The following HAUS5 variants were observed in gnomAD, a reference collection of about 807,000 sequenced individuals.
HAUS5 encodes the protein HAUS augmin-like complex subunit 5.
In HAUS5, 67 loss-of-function variants were observed where a neutral mutation model predicts 94.1. The observed-to-expected ratio is 0.71, with a 90% confidence interval of 0.58 to 0.87. The LOEUF (loss-of-function observed/expected upper bound fraction) is 0.87, where lower values mean the gene tolerates loss of function less well. Ranked by LOEUF, HAUS5 falls within the 40% of genes least tolerant of loss-of-function variation. HAUS5 has a pLI of 0.00. For missense variants in HAUS5, 739 were observed against 825.6 expected (o/e 0.90, Z 1.29); for synonymous variants, 339 against 355.4 (o/e 0.95, Z 0.52).
At position 35,619,519 on chromosome 19, in the gene HAUS5, G is replaced by A; in HGVS notation, c.1260+15G>A. 6.2e-7 allele frequency: 1 copy of A among 1,609,044 alleles called. No homozygotes were observed. Among genetic ancestry groups the A allele is most frequent in the Non-Finnish European group, 8.5e-7 (1 of 1,177,304 alleles). The stretch of plus-strand genomic sequence containing the variant: ...GCCCGGGGGAGGTGAGATGGGAGTT[G>A]GGGTGAGGTCTGGGTAGGGCTGGAT... On this transcript the variant is annotated intron_variant, in intron 14 of 18. Coordinates refer to ENST00000203166, the MANE Select transcript of HAUS5 (RefSeq NM_015302.2).
chr19:35,622,742 G>T lies in HAUS5; in HGVS notation c.1784+9G>T. 1 of 1,613,920 alleles carries T rather than the reference G, an allele frequency of 6.2e-7. No individual in the cohort carries two copies. Among genetic ancestry groups the T allele is most frequent in the African/African-American group, 1.3e-5 (1 of 75,044 alleles). The stretch of plus-strand genomic sequence containing the variant: ...GGGATCGTGGGGGACTGGTGAGAGG[G>T]GAACGTGCCGCGGATGGGAAACAGA... On this transcript the variant is annotated intron_variant, in intron 18 of 18. Coordinates refer to ENST00000203166, the MANE Select transcript of HAUS5 (RefSeq NM_015302.2).
In HAUS5 at chr19:35,615,243, G is replaced by A. The variant is rs1276408784; in HGVS notation, c.342G>A (p.Gln114=). The change falls in exon 6 of 19, where the codon CAG becomes CAA. Residue 114 remains glutamine, a synonymous_variant. Transcript: ENST00000203166. The stretch of plus-strand genomic sequence containing the variant: ...CTCCCACAGACACGGCCATGGAGCA[G>A]GCACGTCAGCACACTCAAGACACCC... ...DTEAQDTAME[Q]ARQHTQDTQR... 1 of 1,613,950 alleles carries A rather than the reference G, an allele frequency of 6.2e-7. No individual in the cohort carries two copies. Among genetic ancestry groups the A allele is most frequent in the East Asian group, 2.2e-5 (1 of 44,888 alleles).
chr19:35,613,593 CAAA>C, intron 1 of HAUS5, 134 bp from the exon 2 acceptor site: 1 of 578,370 alleles, frequency 1.7e-6, no homozygotes, highest in East Asian at 3.1e-5. Context: ...AAAAAAAAGG[CAAA>C]AAAAAGTTTG....
Position 35,623,055 on chromosome 19 carries a change from C to A in HAUS5, c.*62C>A, listed in dbSNP as rs1028612943. ...GTTCACCCCAACACCTCACCTCCCC[C>A]AGGACATTTGGAAGAAAGCAGCGCC... On this transcript the variant is annotated 3_prime_UTR_variant, in exon 19 of 19. Transcript: ENST00000203166. 1.8e-6 allele frequency: 2 copies of A among 1,117,476 alleles called. No homozygotes were observed. Among genetic ancestry groups the A allele is most frequent in the Non-Finnish European group, 2.6e-6 (2 of 756,356 alleles). The allele number at this position is 1,117,476 out of a possible 1,614,324, so 69.2% of individuals were successfully genotyped here. A position where few individuals can be genotyped will look rare whatever the true frequency, so the allele number is the denominator to read the frequency against.
intron 4 of HAUS5, chr19:35,614,346 G>A (rs1027059200): frequency 2.6e-5 from 12 of 462,176 alleles, no homozygotes; most frequent in African/African-American, 2.0e-4. Flanking sequence ...GGACAAAGAT[G>A]TGGTTTGGGA....
chr19:35,622,483 T>A (rs1355712371), intron 17 of HAUS5, 118 bp from the exon 18 acceptor site: 10 of 997,342 alleles, frequency 1.0e-5, no homozygotes, highest in African/African-American at 3.3e-5. Context: ...AGACTCATCA[T>A]TGGTTTGCGG....
At chr19:35,619,101 A>G in intron 13 of HAUS5, 52 bp downstream of exon 13, 2 of 1,492,878 alleles carry the variant, frequency 1.3e-6, no homozygotes. Flanking sequence ...AGGCTTGAAA[A>G]CTATGGCTAA....
At chr19:35,619,107 G>C in intron 13 of HAUS5, 58 bp downstream of exon 13, 4 of 1,477,648 alleles carry the variant, frequency 2.7e-6, no homozygotes, top group Non-Finnish European at 3.6e-6. Flanking sequence ...GAAAACTATG[G>C]CTAAGAACTG....
rs775196630 is a variant in HAUS5, at chr19:35,622,969, G to C, written c.1878G>C (p.Gly626=). ...QWRLRWVQAQ[G]ALQKLCS ...GGCTGCGCTGGGTTCAGGCCCAGGG[G>C]GCCCTGCAGAAGCTGTGCAGCTGAA... is the stretch of plus-strand genomic sequence containing the variant. The change falls in exon 19 of 19, where the codon GGG becomes GGC. Residue 626 remains glycine, a synonymous_variant. Coordinates refer to ENST00000203166, the MANE Select transcript of HAUS5 (RefSeq NM_015302.2). The C allele has an allele frequency of 6.2e-7, 1 of 1,612,042 alleles. No homozygotes were observed. Among genetic ancestry groups the C allele is most frequent in the Non-Finnish European group, 8.5e-7 (1 of 1,178,880 alleles).
chr19:35,619,729 G>T lies in HAUS5; in HGVS notation c.1377G>T (p.Leu459Phe). The change falls in exon 15 of 19, where the codon TTG becomes TTT. Residue 459 changes from leucine to phenylalanine, a missense_variant. Coordinates refer to ENST00000203166, the MANE Select transcript of HAUS5 (RefSeq NM_015302.2). Reference sequence around the variant, plus strand: ...TCCGGCATTTGCCCCACATTCTGTTGGGCACGCTGCTGCGGCACAGGCCGG... The same window carrying T: ...TCCGGCATTTGCCCCACATTCTGTTTGGCACGCTGCTGCGGCACAGGCCGG... ...EEVRHLPHIL[L>F]GTLLRHRPGE... 6.4e-7 allele frequency: 1 copy of T among 1,564,288 alleles called. No individual in the cohort carries two copies.
At chr19:35,615,186 G>C in intron 5 of HAUS5, 39 bp downstream of exon 5, 1 of 1,612,032 alleles carries the variant, frequency 6.2e-7, no homozygotes, top group Non-Finnish European at 8.5e-7. Flanking sequence ...CAGAATGTGG[G>C]GCGGGAAAGG....
In HAUS5 at chr19:35,618,666, A is replaced by G; in HGVS notation, c.983A>G (p.Glu328Gly). ...LTQRLQGLVE[E>G]VERRVLGSSE... ...CAGCGCCTCCAGGGCCTGGTGGAGG[A>G]GGTGGAGAGACGCGTCCTGGGATCC... The change falls in exon 12 of 19, where the codon GAG (glutamate) becomes GGG (glycine). Residue 328 changes from glutamate to glycine, a missense_variant. Glu to Gly is a moderately conservative substitution (Grantham distance 98). Coordinates refer to ENST00000203166, the MANE Select transcript of HAUS5 (RefSeq NM_015302.2). 6.2e-7 allele frequency: 1 copy of G among 1,604,256 alleles called. No individual in the cohort carries two copies. The highest frequency in any genetic ancestry group is 8.5e-7 in the Non-Finnish European group (1 of 1,173,022).
chr19:35,619,528 T>C (rs1268442768), intron 14 of HAUS5, 24 bp downstream of exon 14: 15 of 1,608,576 alleles, frequency 9.3e-6, no homozygotes, highest in Non-Finnish European at 1.3e-5. Context: ...TGGGGTGAGG[T>C]CTGGGTAGGG....
intron 14 of HAUS5, 29 bp from the exon 15 acceptor site, chr19:35,619,584 G>GCGGCCCCCCCCCCCCCCACC: frequency 6.5e-7 from 1 of 1,533,894 alleles, no homozygotes; most frequent in Non-Finnish European, 8.9e-7. Flanking sequence ...ATGTTGTGAT[G>GCGGCCCCCCCCCCCCCCACC]CCCCACCCAC....
At chr19:35,617,555 C>T (rs1030728004) in intron 8 of HAUS5, among the ~76,000 whole-genome samples, 186 bp downstream of exon 8, 6 of 152,158 alleles carry the variant, frequency 3.9e-5, no homozygotes, top group Admixed American at 2.0e-4. Flanking sequence ...AGGGCTGTTG[C>T]GGGAGTGAGG....
intron 10 of HAUS5, 29 bp downstream of exon 10, chr19:35,618,224 G>T: frequency 6.3e-7 from 1 of 1,595,230 alleles, no homozygotes; most frequent in Non-Finnish European, 8.6e-7. Context: ...TCACAGTTGG[G>T]GAAGGCCATG....
chr19:35,618,381 G>A, intron 10 of HAUS5, 21 bp from the exon 11 acceptor site: 17 of 1,611,154 alleles, frequency 1.1e-5, no homozygotes, highest in Non-Finnish European at 1.4e-5. Flanking sequence ...GGCTCCCTCA[G>A]CAGCTCTTCC....
In HAUS5 at chr19:35,613,143, C is replaced by T. The variant is rs79145274; in HGVS notation, c.98+251C>T. On this transcript the variant is annotated intron_variant, in intron 1 of 18. Coordinates refer to ENST00000203166, the MANE Select transcript of HAUS5 (RefSeq NM_015302.2). ...CTCCAGAGTGAGGCTGTCCCCGCAG[C>T]ACCTCCCCTCCCTCCCTTAACCTAA... 6.3e-4 allele frequency among the ~76,000 whole-genome samples: 96 copies of T among 152,298 alleles called. No homozygotes were observed. In the Middle Eastern group the frequency reaches 0.02, roughly 32 times the overall value.
chr19:35,612,828 T>C lies in HAUS5; in HGVS notation c.34T>C (p.Cys12Arg), dbSNP rs1478937745. Reference protein sequence around the residue: ...ELAQEARELGCWAVEEMGVPV... With the variant: ...ELAQEARELGRWAVEEMGVPV... ...AGCGCAGGAAGCGCGGGAACTGGGT[T>C]GCTGGGCGGTCGAAGAGATGGGGGT... The change falls in exon 1 of 19, where the codon TGC becomes CGC. Residue 12 changes from cysteine (C) to arginine (R), a missense_variant. Cys to Arg is a radical substitution (Grantham distance 180). Coordinates refer to ENST00000203166, the MANE Select transcript of HAUS5 (RefSeq NM_015302.2). 3.2e-6 allele frequency: 5 copies of C among 1,548,168 alleles called. No homozygotes were observed. In the Admixed American group the frequency reaches 9.9e-5, roughly 31 times the overall value.
Sources: allele counts gnomAD v4.1 joint callset (sites outside exome capture counted in the v4.1 genomes callset), GRCh38; gene constraint gnomAD v4.1.1; transcripts MANE v1.5; gene names NCBI Gene and HGNC (gene_info 2026-07-23, HGNC 2026-07-21).